Variants in KIFBP observed in about 807,000 individuals in gnomAD.
The protein encoded by KIFBP is KIF-binding protein.
KIFBP carries 46 observed loss-of-function variants against 58.9 expected under a neutral mutation model. That is an observed-to-expected ratio of 0.78 (90% confidence interval 0.62 to 1.00). KIFBP has a LOEUF of 1.00. KIFBP is among the 50% of genes least tolerant of loss of function. KIFBP has a pLI of 0.00. For synonymous variants in KIFBP, 241 were observed against 283.4 expected, an observed-to-expected ratio of 0.85 and a Z score of 1.50; for missense variants, 651 against 752.9, an observed-to-expected ratio of 0.86 and a Z score of 1.58.
intron 3 of KIFBP, among the ~76,000 whole-genome samples, chr10:69,005,372 TTTAC>T (rs1346186263): frequency 6.6e-6 from 1 of 152,070 alleles, no homozygotes; most frequent in Non-Finnish European, 1.5e-5. Flanking sequence ...ATATATGAAA[TTTAC>T]TTATAAAACG....
At chr10:69,009,672 G>A (rs986667676) in intron 5 of KIFBP, among the ~76,000 whole-genome samples, 4 of 152,148 alleles carry the variant, frequency 2.6e-5, no homozygotes, top group African/African-American at 9.7e-5. Flanking sequence ...ATGCATAAGC[G>A]ATGTTGCCAA....
chr10:68,993,755 A>G (rs1843376281), intron 1 of KIFBP, among the ~76,000 whole-genome samples: 2 of 152,174 alleles, frequency 1.3e-5, no homozygotes, highest in Non-Finnish European at 2.9e-5. Context: ...AGCCCAGCCT[A>G]AACAAAGCTT....
At chr10:69,003,616 C>T (rs1288576630) in intron 2 of KIFBP, among the ~76,000 whole-genome samples, 1 of 152,144 alleles carries the variant, frequency 6.6e-6, no homozygotes, top group African/African-American at 2.4e-5. Context: ...ACTTAATCCT[C>T]ATGAGATAGA....
At chr10:69,009,793 A>T (rs1843572533) in intron 5 of KIFBP, among the ~76,000 whole-genome samples, 1 of 152,134 alleles carries the variant, frequency 6.6e-6, no homozygotes, top group African/African-American at 2.4e-5. Context: ...TTTCTTTAAA[A>T]ATAGTTTATT....
At chr10:69,004,275 G>A (rs1424469269) in intron 2 of KIFBP, among the ~76,000 whole-genome samples, 1 of 150,038 alleles carries the variant, frequency 6.7e-6, no homozygotes, top group African/African-American at 2.5e-5. Context: ...GCTCATGCCT[G>A]TAGTTTCAGC....
intron 4 of KIFBP, among the ~76,000 whole-genome samples, chr10:69,008,399 T>TATATATATAG (rs1224258501): frequency 2.1e-4 from 25 of 120,910 alleles, no homozygotes; most frequent in Admixed American, 4.2e-4. Context: ...AAAATATATA[T>TATATATATAG]ATATATATAT....
intron 2 of KIFBP, among the ~76,000 whole-genome samples, chr10:69,004,013 A>G (rs1843501173): frequency 6.6e-6 from 1 of 151,948 alleles, no homozygotes; most frequent in Admixed American, 6.6e-5. Flanking sequence ...TGAGATCAAG[A>G]GATTGAGACC....
At chr10:69,000,790 AC>A (rs1337093514) in intron 2 of KIFBP, among the ~76,000 whole-genome samples, 25 of 152,248 alleles carry the variant, frequency 1.6e-4, no homozygotes, top group African/African-American at 5.8e-4. Context: ...ATCCTAAAAT[AC>A]TATTTGCATG....
chr10:68,989,045 C>T lies in KIFBP; in HGVS notation c.213C>T (p.Asp71=). The T allele has an allele frequency of 6.2e-7, 1 of 1,613,368 alleles. No individual in the cohort carries two copies. Among genetic ancestry groups the T allele is most frequent in the Non-Finnish European group, 8.5e-7 (1 of 1,179,544 alleles). ...CCGAGGACGGCCCGGGTGCCGGTGACCACGCCCTGGGGCTGCCGGCTGAGG... is the reference window on the plus strand; with the variant it reads ...CCGAGGACGGCCCGGGTGCCGGTGATCACGCCCTGGGGCTGCCGGCTGAGG... ...PEAEDGPGAG[D]HALGLPAEVV... is the part of the protein sequence containing the mutation. Residue 71 remains aspartate, a synonymous_variant, in exon 1 of 7, where the codon GAC becomes GAT. Coordinates refer to ENST00000361983, the MANE Select transcript of KIFBP (RefSeq NM_015634.4).
intron 4 of KIFBP, among the ~76,000 whole-genome samples, chr10:69,008,391 A>AAAAAATATATATATATAT: frequency 2.8e-5 from 2 of 71,592 alleles, no homozygotes; most frequent in African/African-American, 1.6e-4. Flanking sequence ...AAAAAAAAAA[A>AAAAAATATATATATATAT]ATATATATAT....
At chr10:69,011,962 A>T (rs1843599116) in intron 6 of KIFBP, among the ~76,000 whole-genome samples, 1 of 152,062 alleles carries the variant, frequency 6.6e-6, no homozygotes, top group Non-Finnish European at 1.5e-5. Flanking sequence ...AAGTGCTGGG[A>T]TTACAGGTGT....
Position 69,005,053 on chromosome 10 carries a change from GTCC to G in KIFBP, c.539_541del (p.Pro180del), listed in dbSNP as rs757514844. ...TGTTTTTCTTAATTGTAGGTTGGGA[GTCC>G]TCCTCTTGATCCTACTGAGCGTTTT... On this transcript the variant is annotated inframe_deletion, in exon 3 of 7. Coordinates refer to ENST00000361983, the MANE Select transcript of KIFBP (RefSeq NM_015634.4). 135 of 1,612,672 alleles carry G rather than the reference GTCC, an allele frequency of 8.4e-5. No individual in the cohort carries two copies. The highest frequency in any genetic ancestry group is 1.1e-4 in the Non-Finnish European group (126 of 1,178,810).
chr10:68,999,603 T>G (rs1337741472), intron 1 of KIFBP: 2 of 152,122 alleles, frequency 1.3e-5, no homozygotes, highest in African/African-American at 4.8e-5. Flanking sequence ...AGGATCCATT[T>G]CCAACTTACT....
intron 2 of KIFBP, among the ~76,000 whole-genome samples, chr10:69,004,145 G>A (rs553664999): frequency 4.1e-4 from 61 of 150,572 alleles, no homozygotes; most frequent in East Asian, 3.5e-3. Flanking sequence ...GCTTGAACCC[G>A]GGAGGCGGAG....
At chr10:69,013,931 G>T (rs1200959573) in intron 6 of KIFBP, among the ~76,000 whole-genome samples, 23 of 151,972 alleles carry the variant, frequency 1.5e-4, no homozygotes. Flanking sequence ...TTGTATTTTT[G>T]TTAGAGACGA....
chr10:69,005,218 T>G, intron 3 of KIFBP, 93 bp downstream of exon 3: 1 of 955,374 alleles, frequency 1.0e-6, no homozygotes, highest in East Asian at 2.5e-5. Context: ...TTATAGAATG[T>G]GGATTCTGAC....
rs1354542644 is a variant in KIFBP, at chr10:69,011,528, G to A, written c.990+513G>A. On this transcript the variant is annotated intron_variant, in intron 6 of 6. Transcript: ENST00000361983. ...CCCACCTCATCCTTGGAGTACAGGC[G>A]TGTGCCACCATATCCAGTTAATTTT... Among the ~76,000 whole-genome samples the A allele has an allele frequency of 4.6e-5, 7 of 151,284 alleles. No individual in the cohort carries two copies. In the South Asian group the frequency reaches 8.3e-4, roughly 18 times the overall value.
chr10:68,999,502 T>C (rs1843441753), intron 1 of KIFBP, among the ~76,000 whole-genome samples: 1 of 152,108 alleles, frequency 6.6e-6, no homozygotes, highest in African/African-American at 2.4e-5. Flanking sequence ...AATCTCACCA[T>C]GGCTTAGCTG....
chr10:68,990,365 T>TAAACA lies in KIFBP; in HGVS notation c.426+1126_426+1130dup, dbSNP rs573105098. 2.0e-3 allele frequency among the ~76,000 whole-genome samples: 306 copies of TAAACA among 151,700 alleles called. 3 individuals carry two copies. Among genetic ancestry groups the TAAACA allele is most frequent in the African/African-American group, 6.4e-3 (266 of 41,356 alleles). On this transcript the variant is annotated intron_variant, in intron 1 of 6. Coordinates refer to ENST00000361983, the MANE Select transcript of KIFBP (RefSeq NM_015634.4). Reference sequence around the variant, plus strand: ...GGCAACAAAGTGAGACTCTGTCTCTTAAACAAAACAAAACAAAACAAAAAA... The same window carrying TAAACA: ...GGCAACAAAGTGAGACTCTGTCTCTTAAACAAAACAAAACAAAACAAAACAAAAAA...
Sources: allele counts gnomAD v4.1 joint callset (sites outside exome capture counted in the v4.1 genomes callset), GRCh38; gene constraint gnomAD v4.1.1; transcripts MANE v1.5; gene names NCBI Gene and HGNC (gene_info 2026-07-23, HGNC 2026-07-21).